SPAG6: variants seen among roughly 807,000 people sequenced by gnomAD.
The protein encoded by SPAG6 is sperm-associated antigen 6.
Under a neutral mutation model 58.5 loss-of-function variants are expected in SPAG6, and 49 were observed. The ratio of observed to expected loss-of-function variants is 0.84; its 90% CI spans 0.67 to 1.06. The LOEUF (loss-of-function observed/expected upper bound fraction) is 1.06. Among genes scored for constraint, SPAG6 ranks in the 50% least tolerant of loss-of-function variants. The pLI, the probability that SPAG6 is intolerant of heterozygous loss-of-function variation, is 0.00. For synonymous variants in SPAG6, 233 were observed against 225.6 expected (o/e 1.03, Z -0.29); for missense variants, 560 against 611.3 (o/e 0.92, Z 0.89).
chr10:22,360,700 T>C, intron 2 of SPAG6: 2 of 625,054 alleles, frequency 3.2e-6, no homozygotes, highest in South Asian at 2.9e-5. Context: ...TAATATTACA[T>C]AGTATATGTT....
intron 2 of SPAG6, among the ~76,000 whole-genome samples, chr10:22,355,443 AACTGAATCAAC>A (rs1423687899): frequency 6.6e-6 from 1 of 152,242 alleles, no homozygotes; most frequent in Non-Finnish European, 1.5e-5. Flanking sequence ...ACTCACAAAC[AACTGAATCAAC>A]ACTGAATCAC....
intron 2 of SPAG6, among the ~76,000 whole-genome samples, chr10:22,364,467 G>T (rs1011660373): frequency 6.6e-6 from 1 of 152,108 alleles, no homozygotes; most frequent in African/African-American, 2.4e-5. Flanking sequence ...CTTGAAGCGA[G>T]CCTTGAAATA....
intron 7 of SPAG6, among the ~76,000 whole-genome samples, chr10:22,390,777 A>G (rs1834166985): frequency 6.6e-6 from 1 of 152,122 alleles, no homozygotes; most frequent in Non-Finnish European, 1.5e-5. Flanking sequence ...ATACATTTTT[A>G]GTTGTAGGAA....
intron 4 of SPAG6, among the ~76,000 whole-genome samples, chr10:22,380,977 C>G (rs939795897): frequency 6.6e-6 from 1 of 151,818 alleles, no homozygotes; most frequent in African/African-American, 2.4e-5. Context: ...CTTGTTTGCT[C>G]AAATTCTTCT....
intron 4 of SPAG6, 98 bp from the exon 5 acceptor site, chr10:22,386,656 C>T (rs533355432): frequency 2.3e-6 from 2 of 869,832 alleles, no homozygotes; most frequent in East Asian, 2.4e-5. Flanking sequence ...TGAAGTACAC[C>T]CTCCCCTTTT....
intron 8 of SPAG6, among the ~76,000 whole-genome samples, chr10:22,396,925 A>G (rs763882391): frequency 6.6e-6 from 1 of 152,232 alleles, no homozygotes; most frequent in Non-Finnish European, 1.5e-5. Flanking sequence ...AAGGATAAAC[A>G]TTAACTACTA....
At chr10:22,409,561 A>G (rs779712092) in intron 9 of SPAG6, among the ~76,000 whole-genome samples, 2 of 152,258 alleles carry the variant, frequency 1.3e-5, no homozygotes, top group African/African-American at 4.8e-5. Context: ...ACTTGGAGAT[A>G]AACTTTTTTT....
rs1412862718 is a variant in SPAG6 at position 22,395,048 on chromosome 10, A to C, written c.1197+3128A>C. On this transcript the variant is annotated intron_variant, in intron 8 of 10. Coordinates refer to ENST00000376624, the MANE Select transcript of SPAG6 (RefSeq NM_012443.4). Reference sequence around the variant, plus strand: ...CTTTACTACTTACTTGAAGTTTCACAGTTCGTCCATGTTGTGGCATATATC... The same window carrying C: ...CTTTACTACTTACTTGAAGTTTCACCGTTCGTCCATGTTGTGGCATATATC... Among the ~76,000 whole-genome samples the C allele has an allele frequency of 2.6e-5, 4 of 152,262 alleles. No individual in the cohort carries two copies. In the East Asian group the frequency reaches 7.7e-4, roughly 29 times the overall value.
intron 2 of SPAG6, among the ~76,000 whole-genome samples, chr10:22,350,393 A>G (rs1440052764): frequency 1.3e-5 from 2 of 152,192 alleles, no homozygotes; most frequent in Non-Finnish European, 1.5e-5. Context: ...AGTAGAAAAT[A>G]ATAGAGTCAG....
At chr10:22,415,223 A>G (rs1834839858) in intron 10 of SPAG6, among the ~76,000 whole-genome samples, 1 of 150,896 alleles carries the variant, frequency 6.6e-6, no homozygotes, top group South Asian at 2.1e-4. Context: ...ATATTATTAA[A>G]TAAGTAAAAT....
chr10:22,400,747 T>C (rs1834392571), intron 8 of SPAG6, among the ~76,000 whole-genome samples: 1 of 152,116 alleles, frequency 6.6e-6, no homozygotes, highest in African/African-American at 2.4e-5. Flanking sequence ...GAATGCCTGA[T>C]AATGACATTC....
intron 4 of SPAG6, among the ~76,000 whole-genome samples, chr10:22,371,529 G>A (rs772117784): frequency 8.4e-4 from 128 of 152,258 alleles, no homozygotes; most frequent in Non-Finnish European, 1.6e-3. Context: ...TGGATTACAG[G>A]CGTGAGCTAC....
At chr10:22,372,299 ATAGT>A (rs1174183702) in intron 4 of SPAG6, among the ~76,000 whole-genome samples, 6 of 152,234 alleles carry the variant, frequency 3.9e-5, no homozygotes, top group Non-Finnish European at 7.3e-5. Context: ...ACATGGATAT[ATAGT>A]TATTCTATTA....
At position 22,369,202 on chromosome 10, in the gene SPAG6, C is replaced by T. The variant is rs1051660963; in HGVS notation, c.472+524C>T. On this transcript the variant is annotated intron_variant, in intron 4 of 10. Transcript: ENST00000376624. ...CTTCCTGGAAAATATTGGTATTCAA[C>T]TCATACTGGGCAGGAAGAAGAGAAG... Among the ~76,000 whole-genome samples, 6 of 152,142 alleles carry T rather than the reference C, an allele frequency of 3.9e-5. No homozygotes were observed. The East Asian group carries it at 1.2e-3, about 29-fold the overall frequency.
rs765624882 is a variant in SPAG6, at chr10:22,345,742, G to T, written c.45G>T (p.Lys15Asn). 1 of 1,613,384 alleles carries T rather than the reference G, an allele frequency of 6.2e-7. No homozygotes were observed. The highest frequency in any genetic ancestry group is 1.3e-5 in the African/African-American group (1 of 75,036). ...QVLQVFEQYQKARTQFVQMVA... is the reference protein window; with the variant it reads ...QVLQVFEQYQNARTQFVQMVA... ...CCGCAGTGTTCGAGCAATACCAGAA[G>T]GCCAGGACCCAGTTCGTGCAGATGG... Residue 15 changes from lysine to asparagine, a missense_variant, in exon 2 of 11, where the codon AAG becomes AAT. Physicochemically the swap from Lys to Asn is moderately conservative, Grantham distance 94 (BLOSUM62 0). Transcript: ENST00000376624. This position sits in a 1 kb window ranked among gnomAD's most constrained non-coding sequence, Gnocchi z 6.3.
chr10:22,405,682 C>A (rs1834534742), intron 9 of SPAG6, among the ~76,000 whole-genome samples: 1 of 151,714 alleles, frequency 6.6e-6, no homozygotes, highest in Non-Finnish European at 1.5e-5. Flanking sequence ...CCCTCTTTTT[C>A]TATTGATTGG....
rs560515902 is a variant in SPAG6, at chr10:22,409,022, G to C, written c.1315-2009G>C. ...GCGCACCCACTGACCTGCGCCCACT[G>C]TCTGGCACTCCCTAGTGAGATGAAC... On this transcript the variant is annotated intron_variant, in intron 9 of 10. Coordinates refer to ENST00000376624, the MANE Select transcript of SPAG6 (RefSeq NM_012443.4). Among the ~76,000 whole-genome samples, 63 of 152,282 alleles carry C rather than the reference G, an allele frequency of 4.1e-4. 1 individual carries two copies. The East Asian group carries it at 0.012, about 29-fold the overall frequency.
In SPAG6 at chr10:22,352,323, T is replaced by C. The variant is rs188641561; in HGVS notation, c.121+6505T>C. 4.6e-5 allele frequency among the ~76,000 whole-genome samples: 7 copies of C among 152,316 alleles called. No homozygotes were observed. In the East Asian group the frequency reaches 1.3e-3, roughly 29 times the overall value. On this transcript the variant is annotated intron_variant, in intron 2 of 10. Coordinates refer to ENST00000376624, the MANE Select transcript of SPAG6 (RefSeq NM_012443.4). ...ATTAAAGTATATTCATAGGCTAGAT[T>C]ATATTAGTTTCCCATATAAATGTCT...
At chr10:22,375,005 G>T (rs1190705575) in intron 4 of SPAG6, among the ~76,000 whole-genome samples, 1 of 152,142 alleles carries the variant, frequency 6.6e-6, no homozygotes, top group African/African-American at 2.4e-5. Context: ...TTAAATCTTT[G>T]TTTTTGGCTT....
Sources: allele counts gnomAD v4.1 joint callset (sites outside exome capture counted in the v4.1 genomes callset), GRCh38; gene constraint gnomAD v4.1.1; non-coding constraint Gnocchi (gnomAD v3.1); transcripts MANE v1.5; gene names NCBI Gene and HGNC (gene_info 2026-07-23, HGNC 2026-07-21).